The following ZIM2 variants were observed in gnomAD, a reference collection of about 807,000 sequenced individuals.
ZIM2 encodes zinc finger protein 656.
In ZIM2, 14 loss-of-function variants were observed where a neutral mutation model predicts 38.6. The ratio of observed to expected loss-of-function variants is 0.36; its 90% CI spans 0.24 to 0.57. ZIM2 has a LOEUF of 0.57. ZIM2 is among the 20% of genes least tolerant of loss of function. The probability of loss-of-function intolerance (pLI) is 0.81; values close to 1 mark genes in which losing one functional copy is unlikely to be tolerated. For missense variants in ZIM2, 680 were observed against 695.1 expected (o/e 0.98, Z 0.24); for synonymous variants, 247 against 245.8 (o/e 1.00, Z -0.04).
intron 7 of ZIM2, 96 bp from the exon 8 acceptor site, chr19:56,818,798 T>C: frequency 7.1e-7 from 1 of 1,404,314 alleles, no homozygotes; most frequent in Non-Finnish European, 1.0e-6. Context: ...ATATATGAAG[T>C]TATATAGGAA....
At chr19:56,804,212 T>C (rs999521088) in intron 9 of ZIM2, among the ~76,000 whole-genome samples, 2 of 152,228 alleles carry the variant, frequency 1.3e-5, no homozygotes, top group African/African-American at 4.8e-5. Context: ...TTCATAGTTA[T>C]GCCCAGAGGC....
chr19:56,833,567 T>C (rs575167217), intron 2 of ZIM2: 264 of 209,172 alleles, frequency 1.3e-3, no homozygotes, highest in Middle Eastern at 5.9e-3. Flanking sequence ...TACAGCCTGA[T>C]TCCTTCTAGG....
rs148076163 is a variant in ZIM2, at chr19:56,815,219, T to C, written c.490+2527A>G. 357 of 1,613,850 alleles carry C rather than the reference T, an allele frequency of 2.2e-4. No individual in the cohort carries two copies. Among genetic ancestry groups the C allele is most frequent in the South Asian group, 9.9e-5 (9 of 91,070 alleles). The stretch of plus-strand genomic sequence containing the variant: ...GTCTCCTGACCATGGGTCTCCTCGC[T>C]GTGGGTCTCCTCCCCATCAGTATTC... On this transcript the variant is annotated intron_variant, in intron 9 of 12. Coordinates refer to ENST00000629319, the MANE Select transcript of ZIM2 (RefSeq NM_001387356.1).
At chr19:56,798,512 G>A (rs1183958567) in intron 9 of ZIM2, 1 of 152,036 alleles carries the variant, frequency 6.6e-6, no homozygotes, top group East Asian at 1.9e-4. Context: ...AAAAACCCTA[G>A]AAGAAAATCT....
In ZIM2 at chr19:56,814,235, C is replaced by T. The variant is rs568262074; in HGVS notation, c.490+3511G>A. Reference sequence around the variant, plus strand: ...GGCTCAGCAGCCTCCACTTCTGGCTCGGCAGCCTCCACTTCTGGCTCAGCA... The same window carrying T: ...GGCTCAGCAGCCTCCACTTCTGGCTTGGCAGCCTCCACTTCTGGCTCAGCA... On this transcript the variant is annotated intron_variant, in intron 9 of 12. Coordinates refer to ENST00000629319, the MANE Select transcript of ZIM2 (RefSeq NM_001387356.1). The surrounding 1 kb of genome is among the most constrained non-coding windows in gnomAD (Gnocchi z 5.8). The T allele has an allele frequency of 1.8e-5, 29 of 1,612,976 alleles. No individual in the cohort carries two copies. The highest frequency in any genetic ancestry group is 5.0e-5 in the Admixed American group (3 of 60,004).
At chr19:56,790,448 T>C (rs976005362) in intron 9 of ZIM2, among the ~76,000 whole-genome samples, 5 of 152,200 alleles carry the variant, frequency 3.3e-5, no homozygotes, top group African/African-American at 9.7e-5. Context: ...TCTCACACTT[T>C]CCTGCTCTGT....
intron 11 of ZIM2, among the ~76,000 whole-genome samples, chr19:56,780,989 C>T (rs1382490034): frequency 6.6e-6 from 1 of 152,166 alleles, no homozygotes; most frequent in East Asian, 1.9e-4. Flanking sequence ...AAGCCAAGGG[C>T]TCACAAGATA....
At position 56,822,931 on chromosome 19, in the gene ZIM2, C is replaced by T. The variant is rs552180552; in HGVS notation, c.107-95G>A. Reference sequence around the variant, plus strand: ...AACACCCCTCTGGAAAGAGATGCTACCCTCTTCCCACAAGGAGATGGATCC... The same window carrying T: ...AACACCCCTCTGGAAAGAGATGCTATCCTCTTCCCACAAGGAGATGGATCC... On this transcript the variant is annotated intron_variant, in intron 5 of 12. Transcript: ENST00000629319. The T allele has an allele frequency of 7.4e-6, 11 of 1,489,188 alleles. No homozygotes were observed. In the Admixed American group the frequency reaches 2.0e-4, roughly 27 times the overall value. 92.2% of individuals were successfully genotyped at this position (1,489,188 alleles called of 1,614,324 possible).
Position 56,822,808 on chromosome 19 carries a change from T to C in ZIM2, c.135A>G (p.Arg45=), listed in dbSNP as rs767637272. Residue 45 remains arginine, a synonymous_variant, in exon 6 of 13, where the codon AGA becomes AGG. Transcript: ENST00000629319. ...GGTCTCGTGGCTCCATGTCTCTGCT[T>C]CTGCCCCTCCGGTCCCAGTCCCGGT... The part of the protein sequence containing the change: ...SGDRDWDRRG[R]SRDMEPRDRW... 3 of 1,614,018 alleles carry C rather than the reference T, an allele frequency of 1.9e-6. No homozygotes were observed. Among genetic ancestry groups the C allele is most frequent in the Non-Finnish European group, 2.5e-6 (3 of 1,180,030 alleles).
intron 3 of ZIM2, 126 bp from the exon 4 acceptor site, chr19:56,824,553 T>C: frequency 6.2e-7 from 1 of 1,614,184 alleles, no homozygotes; most frequent in Non-Finnish European, 8.5e-7. Context: ...CCTTCTCCTA[T>C]GATGACATCC....
rs562468360 is a variant in ZIM2, at chr19:56,787,685, C to T, written c.570+2187G>A. Among the ~76,000 whole-genome samples the T allele has an allele frequency of 6.1e-5, 9 of 147,106 alleles. No homozygotes were observed. In the South Asian group the frequency reaches 1.3e-3, roughly 21 times the overall value. Reference sequence around the variant, plus strand: ...TCCTCTTTGTACCTCTGGTAGAATTCGGCTGTCAATCTGTCTGGTCCTGGG... The same window carrying T: ...TCCTCTTTGTACCTCTGGTAGAATTTGGCTGTCAATCTGTCTGGTCCTGGG... On this transcript the variant is annotated intron_variant, in intron 10 of 12. Coordinates refer to ENST00000629319, the MANE Select transcript of ZIM2 (RefSeq NM_001387356.1).
Position 56,814,586 on chromosome 19 carries a change from C to A in ZIM2, c.490+3160G>T. 1.2e-6 allele frequency: 2 copies of A among 1,614,034 alleles called. No homozygotes were observed. Among genetic ancestry groups the A allele is most frequent in the Non-Finnish European group, 1.7e-6 (2 of 1,179,964 alleles). On this transcript the variant is annotated intron_variant, in intron 9 of 12. Coordinates refer to ENST00000629319, the MANE Select transcript of ZIM2 (RefSeq NM_001387356.1). The surrounding 1 kb of genome is among the most constrained non-coding windows in gnomAD (Gnocchi z 5.8). Reference sequence around the variant, plus strand: ...GGGTTGACGAAAGATTCTCCACAGACTGCACATTCAAAGAGTCTCTCTTCG... The same window carrying A: ...GGGTTGACGAAAGATTCTCCACAGAATGCACATTCAAAGAGTCTCTCTTCG...
In ZIM2 at chr19:56,816,583, A is replaced by C. The variant is rs886457222; in HGVS notation, c.490+1163T>G. On this transcript the variant is annotated intron_variant, in intron 9 of 12. Transcript: ENST00000629319. ...TTCGTACATTTTCTCTTTACCATACATTTTCTGAAACTCATTAAGGGCTGG... is the reference window on the plus strand; with the variant it reads ...TTCGTACATTTTCTCTTTACCATACCTTTTCTGAAACTCATTAAGGGCTGG... The C allele has an allele frequency of 2.5e-6, 4 of 1,613,670 alleles. No individual in the cohort carries two copies. The African/African-American group carries it at 4.0e-5, about 16-fold the overall frequency.
intron 7 of ZIM2, 88 bp downstream of exon 7, chr19:56,821,563 C>A: frequency 6.6e-7 from 1 of 1,510,790 alleles, no homozygotes; most frequent in South Asian, 1.2e-5. Flanking sequence ...CTCTAGGGGG[C>A]AGATAAACAC....
intron 9 of ZIM2, chr19:56,798,622 T>G (rs1285712528): frequency 6.6e-6 from 1 of 152,084 alleles, no homozygotes; most frequent in African/African-American, 2.4e-5. Flanking sequence ...GGAATCTAAT[T>G]AAACTAAAGA....
At chr19:56,825,211 C>A (rs2060903232) in intron 3 of ZIM2, among the ~76,000 whole-genome samples, 1 of 152,200 alleles carries the variant, frequency 6.6e-6, no homozygotes. Flanking sequence ...TGGGGCAAAT[C>A]CTCCCCTAAC....
At chr19:56,837,196 G>A (rs1339936016) in intron 1 of ZIM2, among the ~76,000 whole-genome samples, 2 of 151,962 alleles carry the variant, frequency 1.3e-5, no homozygotes, top group Admixed American at 1.3e-4. Context: ...GCCCTCTAGC[G>A]GCTCTGCTCA....
Position 56,812,122 on chromosome 19 carries a change from T to A in ZIM2, c.490+5624A>T, listed in dbSNP as rs549029931. On this transcript the variant is annotated intron_variant, in intron 9 of 12. Transcript: ENST00000629319. ...CTTACATTTTGCAAATCTTTTTTTT[T>A]AAATTTTTTAAATTTTATATTTTTT... 729 of 965,552 alleles carry A rather than the reference T, an allele frequency of 7.6e-4. 2 individuals are homozygous for A. Among genetic ancestry groups the A allele is most frequent in the African/African-American group, 1.2e-3 (69 of 56,998 alleles). The allele number at this position is 965,552 out of a possible 1,614,324, so 59.8% of individuals were successfully genotyped here.
Position 56,775,095 on chromosome 19 carries a change from A to G in ZIM2, c.1270T>C (p.Ser424Pro). Residue 424 changes from serine (S) to proline (P), a missense_variant, in exon 13 of 13, where the codon TCC becomes CCC. Ser to Pro is a moderately conservative substitution (Grantham distance 74, BLOSUM62 -1). Transcript: ENST00000629319. ...TCACAGAGATTCGCACACTGGACGG[A>G]AGGCTTTCTACCTTCATTGCAGCCA... is the stretch of plus-strand genomic sequence containing the variant. ...TSGCNEGRKP[S>P]VQCANLCERV... 6 of 1,614,140 alleles carry G rather than the reference A, an allele frequency of 3.7e-6. No individual in the cohort carries two copies. Among genetic ancestry groups the G allele is most frequent in the Non-Finnish European group, 5.1e-6 (6 of 1,180,032 alleles).
Sources: gnomAD v4.1 joint callset for allele counts (sites outside exome capture counted in the v4.1 genomes callset) on GRCh38, gnomAD v4.1.1 for gene constraint, Gnocchi (gnomAD v3.1) non-coding constraint, MANE v1.5 for transcripts, NCBI Gene and HGNC (gene_info 2026-07-23, HGNC 2026-07-21) for gene names.